RIMS2: variants seen among roughly 807,000 people sequenced by gnomAD.
The protein encoded by RIMS2 is regulating synaptic membrane exocytosis protein 2.
A neutral mutation model predicts 174.4 loss-of-function variants in RIMS2; 59 were observed. That is an observed-to-expected ratio of 0.34 (90% CI 0.27 to 0.42). The LOEUF is 0.42. RIMS2 is among the 10% of genes least tolerant of loss of function. The probability of loss-of-function intolerance (pLI) is 1.00; values close to 1 mark genes in which losing one functional copy is unlikely to be tolerated. For synonymous variants in RIMS2, 606 were observed against 572.5 expected (o/e 1.06, Z -0.84); for missense variants, 1,620 against 1,666.3 (o/e 0.97, Z 0.48).
intron 16 of RIMS2, among the ~76,000 whole-genome samples, chr8:103,978,932 T>C (rs1446702450): frequency 6.6e-6 from 1 of 152,228 alleles, no homozygotes; most frequent in Non-Finnish European, 1.5e-5. Context: ...GAATACAAAT[T>C]ATTTTTAACA....
At chr8:104,118,885 T>C (rs1411729034) in intron 19 of RIMS2, among the ~76,000 whole-genome samples, 9 of 152,132 alleles carry the variant, frequency 5.9e-5, no homozygotes, top group Admixed American at 5.2e-4. Context: ...GCAAGGTCTT[T>C]CTTGCCCCTT....
chr8:103,793,558 A>G (rs1048361511), intron 3 of RIMS2, among the ~76,000 whole-genome samples: 8 of 152,166 alleles, frequency 5.3e-5, no homozygotes, highest in Non-Finnish European at 8.8e-5. Flanking sequence ...CCTATTCAAC[A>G]TAGTGTTGGA....
chr8:103,955,931 A>T (rs2087027105), intron 14 of RIMS2, among the ~76,000 whole-genome samples: 1 of 152,208 alleles, frequency 6.6e-6, no homozygotes, highest in South Asian at 2.1e-4. Flanking sequence ...ATGTGCAAAA[A>T]TCACAAGCAT....
At chr8:103,765,496 T>C (rs2098160989) in intron 2 of RIMS2, among the ~76,000 whole-genome samples, 1 of 152,178 alleles carries the variant, frequency 6.6e-6, no homozygotes, top group Non-Finnish European at 1.5e-5. Context: ...TTAAAAATGG[T>C]TAAAATGGCA....
intron 19 of RIMS2, among the ~76,000 whole-genome samples, chr8:104,055,076 G>C (rs918422691): frequency 6.6e-6 from 1 of 152,000 alleles, no homozygotes; most frequent in African/African-American, 2.4e-5. Context: ...CACATGTGTT[G>C]TGTTTGGATC....
intron 1 of RIMS2, among the ~76,000 whole-genome samples, chr8:103,513,941 C>T (rs1189909945): frequency 6.6e-6 from 1 of 152,096 alleles, no homozygotes; most frequent in Non-Finnish European, 1.5e-5. Flanking sequence ...TTTACTCTTT[C>T]CAGAAAGAGC....
chr8:103,585,412 G>A (rs554570492), intron 1 of RIMS2, among the ~76,000 whole-genome samples: 35 of 152,204 alleles, frequency 2.3e-4, no homozygotes, highest in Non-Finnish European at 4.3e-4. Flanking sequence ...AAATCATTCT[G>A]CTATAAAGAC....
intron 1 of RIMS2, among the ~76,000 whole-genome samples, chr8:103,572,610 A>T (rs1314250177): frequency 6.6e-6 from 1 of 151,200 alleles, no homozygotes; most frequent in Admixed American, 6.6e-5. Flanking sequence ...GACTGGTGTG[A>T]GATGTATCTC....
chr8:104,025,483 T>C (rs2096233194), intron 19 of RIMS2, among the ~76,000 whole-genome samples: 1 of 152,086 alleles, frequency 6.6e-6, no homozygotes, highest in African/African-American at 2.4e-5. Flanking sequence ...GGTGACTCTG[T>C]CTGTAAAGCA....
chr8:103,547,449 C>T (rs1563728339), intron 1 of RIMS2, among the ~76,000 whole-genome samples: 1 of 152,144 alleles, frequency 6.6e-6, no homozygotes, highest in African/African-American at 2.4e-5. Flanking sequence ...ATAAGAAATT[C>T]TTTGAAACTA....
At chr8:103,913,232 C>T (rs569060164) in intron 6 of RIMS2, among the ~76,000 whole-genome samples, 1 of 151,826 alleles carries the variant, frequency 6.6e-6, no homozygotes, top group East Asian at 1.9e-4. Flanking sequence ...CCCACCATGA[C>T]CTCCCAGCAT....
chr8:103,843,291 TA>T (rs1458190855), intron 3 of RIMS2, among the ~76,000 whole-genome samples: 8 of 152,212 alleles, frequency 5.3e-5, no homozygotes, highest in Non-Finnish European at 7.3e-5. Flanking sequence ...TTTTTGGTTT[TA>T]AAGAGACAGG....
intron 1 of RIMS2, among the ~76,000 whole-genome samples, chr8:103,602,554 A>G (rs1446904478): frequency 6.6e-6 from 1 of 152,116 alleles, no homozygotes. Context: ...GAGAACATGC[A>G]GTATTTGGCT....
intron 19 of RIMS2, among the ~76,000 whole-genome samples, chr8:104,215,559 A>T (rs1433823608): frequency 6.6e-6 from 1 of 152,228 alleles, no homozygotes. Context: ...GAATGTTTAC[A>T]CTCACAAAAT....
chr8:103,712,346 G>A (rs1245014092), intron 2 of RIMS2, among the ~76,000 whole-genome samples: 2 of 151,870 alleles, frequency 1.3e-5, no homozygotes, highest in Non-Finnish European at 2.9e-5. Flanking sequence ...ATATGTAGGA[G>A]TATATGGTTT....
intron 1 of RIMS2, among the ~76,000 whole-genome samples, chr8:103,504,376 A>G (rs762333963): frequency 2.0e-5 from 3 of 152,118 alleles, no homozygotes; most frequent in Non-Finnish European, 4.4e-5. Context: ...GTAGCTTATC[A>G]ATTTTGTGGG....
chr8:103,954,250 G>T (rs987649444), intron 14 of RIMS2, among the ~76,000 whole-genome samples: 1 of 151,810 alleles, frequency 6.6e-6, no homozygotes, highest in Non-Finnish European at 1.5e-5. Flanking sequence ...TGACCAAGCG[G>T]CCTAATAGAC....
chr8:104,066,631 T>G (rs538322357), intron 19 of RIMS2, among the ~76,000 whole-genome samples: 1 of 152,270 alleles, frequency 6.6e-6, no homozygotes, highest in South Asian at 2.1e-4. Flanking sequence ...AATAGGTATT[T>G]GTACTTGACT....
chr8:103,733,495 A>C (rs1325799628), intron 2 of RIMS2, among the ~76,000 whole-genome samples: 10 of 152,112 alleles, frequency 6.6e-5, no homozygotes, highest in Non-Finnish European at 5.9e-5. Flanking sequence ...CTTACCCAGA[A>C]ATCGCAGTCT....
Sources: gnomAD v4.1 joint callset for allele counts (sites outside exome capture counted in the v4.1 genomes callset) on GRCh38, gnomAD v4.1.1 for gene constraint, MANE v1.5 for transcripts, NCBI Gene and HGNC (gene_info 2026-07-23, HGNC 2026-07-21) for gene names.